Variants in GLIS3 observed in about 807,000 individuals in gnomAD.
GLIS3 encodes zinc finger protein GLIS3.
GLIS3 carries 53 observed loss-of-function variants against 78.6 expected under a neutral mutation model. The observed-to-expected ratio is 0.67, with a 90% CI of 0.54 to 0.85. GLIS3 has a LOEUF of 0.85. Among genes scored for constraint, GLIS3 ranks in the 40% least tolerant of loss-of-function variants. The probability of loss-of-function intolerance (pLI) is 0.00; values close to 1 mark genes in which losing one functional copy is unlikely to be tolerated. For synonymous variants in GLIS3, 684 were observed against 509.9 expected (o/e 1.34, Z -4.60); for missense variants, 1,703 against 1,231.1 (o/e 1.38, Z -5.74).
intron 2 of GLIS3, among the ~76,000 whole-genome samples, chr9:4,321,685 C>T (rs1028576483): frequency 2.8e-5 from 4 of 143,604 alleles, no homozygotes; most frequent in African/African-American, 1.1e-4. Context: ...AGGTAACTAC[C>T]ATCTCTGCAT....
rs568983424 is a variant in GLIS3, at chr9:4,297,554, G to A, written c.-99+1867C>T. Among the ~76,000 whole-genome samples, 79 of 152,354 alleles carry A rather than the reference G, an allele frequency of 5.2e-4. 1 individual carries two copies. Among genetic ancestry groups the A allele is most frequent in the African/African-American group, 1.7e-3 (71 of 41,594 alleles). On this transcript the variant is annotated intron_variant, in intron 1 of 10. Coordinates refer to ENST00000381971, the MANE Select transcript of GLIS3 (RefSeq NM_001042413.2). ...TCTCGGGAGATGCTGAAGTCTTGGA[G>A]GAAGTTGGTTCTGCCGGCTCGGGGA...
intron 6 of GLIS3, among the ~76,000 whole-genome samples, chr9:3,906,116 G>A (rs1448016116): frequency 2.0e-5 from 3 of 152,224 alleles, no homozygotes; most frequent in African/African-American, 7.2e-5. Flanking sequence ...GCAGGATGCA[G>A]GGCTGGACAA....
intron 2 of GLIS3, among the ~76,000 whole-genome samples, chr9:4,158,362 G>C (rs569078882): frequency 6.6e-6 from 1 of 152,152 alleles, no homozygotes; most frequent in African/African-American, 2.4e-5. Context: ...TTACTGGGCT[G>C]TTACTGTCCC....
At chr9:4,170,705 C>T (rs573617355) in intron 2 of GLIS3, among the ~76,000 whole-genome samples, 13 of 152,236 alleles carry the variant, frequency 8.5e-5, no homozygotes, top group African/African-American at 2.9e-4. Flanking sequence ...GGAAAGACTT[C>T]GAAAGGCAAG....
At chr9:4,182,635 C>G (rs1234527812) in intron 2 of GLIS3, among the ~76,000 whole-genome samples, 1 of 152,186 alleles carries the variant, frequency 6.6e-6, no homozygotes, top group Non-Finnish European at 1.5e-5. Flanking sequence ...CACTCTTCAT[C>G]TTCCTCTTTT....
chr9:4,393,533 G>A, the GLIS3 span, among the ~76,000 whole-genome samples: 106 of 152,132 alleles, frequency 7.0e-4, 2 homozygotes, highest in African/African-American at 2.4e-3. Context: ...ATCTAATCCC[G>A]TATCGCATTA....
chr9:4,296,653 A>T (rs1816533588), intron 1 of GLIS3, among the ~76,000 whole-genome samples: 1 of 152,202 alleles, frequency 6.6e-6, no homozygotes, highest in African/African-American at 2.4e-5. Context: ...CAAGGGGAGA[A>T]GTTAACAGCA....
intron 4 of GLIS3, among the ~76,000 whole-genome samples, chr9:4,082,039 G>C (rs774219261): frequency 6.6e-6 from 1 of 152,182 alleles, no homozygotes; most frequent in African/African-American, 2.4e-5. Flanking sequence ...GACAGAATCG[G>C]AATGGGAGCC....
intron 2 of GLIS3, among the ~76,000 whole-genome samples, chr9:4,190,376 G>A (rs1382382255): frequency 2.0e-5 from 3 of 151,996 alleles, no homozygotes; most frequent in African/African-American, 2.4e-5. Flanking sequence ...CGAGAACTAC[G>A]TGAAGAATGC....
intron 2 of GLIS3, among the ~76,000 whole-genome samples, chr9:4,319,096 G>C (rs184464795): frequency 6.6e-6 from 1 of 152,154 alleles, no homozygotes; most frequent in East Asian, 1.9e-4. Context: ...ACCATTCTAG[G>C]GTAAAGGAGA....
intron 4 of GLIS3, among the ~76,000 whole-genome samples, chr9:4,076,331 T>TA (rs1828051690): frequency 6.6e-6 from 1 of 152,212 alleles, no homozygotes; most frequent in Non-Finnish European, 1.5e-5. Flanking sequence ...GTTGTCTTAC[T>TA]AAAACTATGT....
chr9:4,185,570 C>T (rs143049712), intron 2 of GLIS3, among the ~76,000 whole-genome samples: 2 of 152,134 alleles, frequency 1.3e-5, no homozygotes, highest in East Asian at 3.9e-4. Context: ...TCATCAATGT[C>T]CCATAAGGAA....
chr9:4,179,495 G>A (rs968121798), intron 2 of GLIS3, among the ~76,000 whole-genome samples: 2 of 152,006 alleles, frequency 1.3e-5, no homozygotes, highest in Non-Finnish European at 2.9e-5. Flanking sequence ...CCCTCAAAAG[G>A]GCTCCGTTTA....
At chr9:4,050,103 T>C (rs1209858348) in intron 4 of GLIS3, among the ~76,000 whole-genome samples, 2 of 152,146 alleles carry the variant, frequency 1.3e-5, no homozygotes, top group African/African-American at 2.4e-5. Flanking sequence ...ACTGGGTATA[T>C]AACCAAAGGT....
the GLIS3 span, among the ~76,000 whole-genome samples, chr9:4,354,465 C>T: frequency 1.3e-5 from 2 of 152,120 alleles, no homozygotes; most frequent in East Asian, 1.9e-4. Flanking sequence ...AAGAATTATA[C>T]ACTACATCCC....
chr9:4,178,959 T>C (rs999680688), intron 2 of GLIS3, among the ~76,000 whole-genome samples: 4 of 152,202 alleles, frequency 2.6e-5, no homozygotes, highest in Admixed American at 6.5e-5. Context: ...TATAAATAGA[T>C]AGTAGTTTAA....
At chr9:3,958,267 G>A (rs905308097) in intron 4 of GLIS3, among the ~76,000 whole-genome samples, 9 of 151,980 alleles carry the variant, frequency 5.9e-5, no homozygotes, top group Non-Finnish European at 1.5e-5. Flanking sequence ...AAGATGAGAG[G>A]AAGAAAAAAA....
chr9:4,326,050 G>C (rs192806946), intron 2 of GLIS3, among the ~76,000 whole-genome samples: 3 of 152,174 alleles, frequency 2.0e-5, no homozygotes. Flanking sequence ...ACTGGGGCCT[G>C]TCGGGGGTGG....
At chr9:4,184,032 T>C (rs10974376) in intron 2 of GLIS3, among the ~76,000 whole-genome samples, 8,360 of 152,186 alleles carry the variant, frequency 0.055, 300 homozygotes, top group African/African-American at 0.1. Flanking sequence ...ATGAGGAACA[T>C]GAAAAATGAT....
Sources: gnomAD v4.1 joint callset for allele counts (sites outside exome capture counted in the v4.1 genomes callset) on GRCh38, gnomAD v4.1.1 for gene constraint, MANE v1.5 for transcripts, NCBI Gene and HGNC (gene_info 2026-07-23, HGNC 2026-07-21) for gene names.